AKAP1: variants seen among roughly 807,000 people sequenced by gnomAD.
The protein encoded by AKAP1 is A-kinase anchoring protein 1.
A neutral mutation model predicts 79.8 loss-of-function variants in AKAP1; 32 were observed. The ratio of observed to expected loss-of-function variants is 0.40; its 90% CI spans 0.30 to 0.54. The LOEUF (loss-of-function observed/expected upper bound fraction) is 0.54, where lower values mean the gene tolerates loss of function less well. AKAP1 is among the 20% of genes least tolerant of loss of function. The pLI is 0.47. For missense variants in AKAP1, 961 were observed against 1,138.9 expected (o/e 0.84, Z 2.25); for synonymous variants, 416 against 466.7 (o/e 0.89, Z 1.40).
chr17:57,099,881 G>A (rs1397733673), intron 1 of AKAP1, among the ~76,000 whole-genome samples: 1 of 152,190 alleles, frequency 6.6e-6, no homozygotes, highest in Non-Finnish European at 1.5e-5. Flanking sequence ...CAAAGCCAGG[G>A]CAGAGGTGCG....
chr17:57,114,720 C>T (rs1438584867), intron 6 of AKAP1, 84 bp downstream of exon 6: 2 of 1,372,306 alleles, frequency 1.5e-6, no homozygotes, highest in East Asian at 5.0e-5. Context: ...GGAGGCTGTT[C>T]TGCGATCCTT....
chr17:57,115,748 G>T (rs779218816), intron 6 of AKAP1, among the ~76,000 whole-genome samples: 27 of 152,212 alleles, frequency 1.8e-4, no homozygotes, highest in Non-Finnish European at 3.4e-4. Context: ...TCTTTTAAAT[G>T]TAAGGCTGGC....
intron 1 of AKAP1, chr17:57,085,658 T>C (rs925634877): frequency 5.3e-5 from 8 of 152,000 alleles, no homozygotes; most frequent in African/African-American, 1.9e-4. Flanking sequence ...TCCTGACAGA[T>C]CGCGTGTGCG....
rs1317347143 is a variant in AKAP1, at chr17:57,118,466, G to T, written c.2574+12G>T. The T allele has an allele frequency of 6.2e-7, 1 of 1,613,766 alleles. No individual in the cohort carries two copies. The highest frequency in any genetic ancestry group is 1.7e-5 in the Admixed American group (1 of 60,022). Reference sequence around the variant, plus strand: ...CACTGCTTGCTCAGGTGTGTGGTTGGCAGGGGTGGGGGAGGCAGGCTGGCT... The same window carrying T: ...CACTGCTTGCTCAGGTGTGTGGTTGTCAGGGGTGGGGGAGGCAGGCTGGCT... On this transcript the variant is annotated intron_variant, in intron 9 of 10. Coordinates refer to ENST00000337714, the MANE Select transcript of AKAP1 (RefSeq NM_003488.4).
intron 10 of AKAP1, among the ~76,000 whole-genome samples, chr17:57,119,480 G>A (rs928531660): frequency 5.3e-5 from 8 of 152,056 alleles, no homozygotes; most frequent in African/African-American, 1.9e-4. Context: ...TTGGGAGGCC[G>A]AGACGGGCAG....
chr17:57,103,150 T>C (rs950253515), intron 1 of AKAP1, among the ~76,000 whole-genome samples: 10 of 152,236 alleles, frequency 6.6e-5, no homozygotes, highest in African/African-American at 2.4e-4. Context: ...GAGGAATTGA[T>C]GTAAAGCCTT....
chr17:57,091,465 G>A (rs920076640), intron 1 of AKAP1, among the ~76,000 whole-genome samples: 7 of 151,520 alleles, frequency 4.6e-5, no homozygotes, highest in Non-Finnish European at 1.0e-4. Flanking sequence ...TGTGGAGGGG[G>A]TGGCTGCTTA....
intron 10 of AKAP1, among the ~76,000 whole-genome samples, 198 bp from the exon 11 acceptor site, chr17:57,120,052 C>G (rs1915835007): frequency 6.6e-6 from 1 of 151,898 alleles, no homozygotes; most frequent in African/African-American, 2.4e-5. Flanking sequence ...TCTCGAACTC[C>G]TGACCTCAGG....
rs147774257 is a variant in AKAP1, at chr17:57,105,562, T to C, written c.98T>C (p.Val33Ala). 2 of 1,614,122 alleles carry C rather than the reference T, an allele frequency of 1.2e-6. No homozygotes were observed. The highest frequency in any genetic ancestry group is 1.7e-6 in the Non-Finnish European group (2 of 1,180,010). ...WWFFSRKKGH[V>A]SSHDEQQVEA... ...TTTTTCTCTCGTAAAAAAGGCCATGTCAGCAGCCATGATGAGCAGCAGGTG... is the reference window on the plus strand; with the variant it reads ...TTTTTCTCTCGTAAAAAAGGCCATGCCAGCAGCCATGATGAGCAGCAGGTG... Residue 33 changes from valine to alanine, a missense_variant, in exon 2 of 11, where the codon GTC becomes GCC. Val to Ala is a moderately conservative substitution (Grantham distance 64). This residue lies in a region of AKAP1 where 108 missense variants were observed against 147.6 expected (regional missense o/e 0.73). Transcript: ENST00000337714.
At chr17:57,100,453 A>G (rs12940245) in intron 1 of AKAP1, among the ~76,000 whole-genome samples, 2 of 113,950 alleles carry the variant, frequency 1.8e-5, no homozygotes, top group Admixed American at 8.9e-5. Context: ...ACACGCACAC[A>G]CACACACACA....
chr17:57,107,116 A>C lies in AKAP1; in HGVS notation c.1652A>C (p.Glu551Ala). 6.2e-7 allele frequency: 1 copy of C among 1,609,790 alleles called. No homozygotes were observed. The highest frequency in any genetic ancestry group is 2.2e-5 in the East Asian group (1 of 44,842). Residue 551 changes from glutamate (E) to alanine (A), a missense_variant, in exon 2 of 11, where the codon GAG (glutamate) becomes GCG (alanine). By Grantham distance (107) the Glu-to-Ala change is moderately radical. Transcript: ENST00000337714. ...TTCAGCAATGGGGTGCTGAAGGGGG[A>C]GTTGTCAGACTTGGGGGCTGAGGAT... ...VPFSNGVLKG[E>A]LSDLGAEDGW... is the part of the protein sequence containing the mutation.
At position 57,105,903 on chromosome 17, in the gene AKAP1, T is replaced by C; in HGVS notation, c.439T>C (p.Cys147Arg). The change falls in exon 2 of 11, where the codon TGC (cysteine) becomes CGC (arginine). Residue 147 changes from cysteine to arginine, a missense_variant. By Grantham distance (180) the Cys-to-Arg change is radical. Around this residue, in one of 3 missense-constraint regions of AKAP1, gnomAD observed 224 missense variants for 210.2 expected, o/e 1.07. Transcript: ENST00000337714. The part of the protein sequence containing the change: ...GGEAKSIPLE[C>R]PLSSPKGVLF... Reference sequence around the variant, plus strand: ...TGAAGCCAAATCGATTCCTCTAGAGTGCCCCCTTTCATCCCCAAAGGGTGT... The same window carrying C: ...TGAAGCCAAATCGATTCCTCTAGAGCGCCCCCTTTCATCCCCAAAGGGTGT... 2 of 1,614,076 alleles carry C rather than the reference T, an allele frequency of 1.2e-6. No individual in the cohort carries two copies. Among genetic ancestry groups the C allele is most frequent in the South Asian group, 2.2e-5 (2 of 91,078 alleles).
chr17:57,104,609 C>A (rs566783701), intron 1 of AKAP1, among the ~76,000 whole-genome samples: 110 of 152,360 alleles, frequency 7.2e-4, no homozygotes, highest in Middle Eastern at 3.4e-3. Context: ...CCTAGCAACA[C>A]GATCCACTCT....
At chr17:57,108,004 C>T (rs893557453) in intron 2 of AKAP1, 13 of 1,287,074 alleles carry the variant, frequency 1.0e-5, no homozygotes, top group South Asian at 1.2e-5. Context: ...CTGGGTTTTT[C>T]GAGTGCTGAC....
chr17:57,092,573 G>C (rs1913847301), intron 1 of AKAP1: 1 of 152,200 alleles, frequency 6.6e-6, no homozygotes. Flanking sequence ...GGGCTTCCTG[G>C]CAAGTGTATT....
chr17:57,099,919 C>T (rs1269290967), intron 1 of AKAP1, among the ~76,000 whole-genome samples: 1 of 152,140 alleles, frequency 6.6e-6, no homozygotes, highest in African/African-American at 2.4e-5. Flanking sequence ...CTCTACCTCA[C>T]TGTAGTATAG....
At chr17:57,116,746 C>T (rs1340450896) in intron 7 of AKAP1, 114 bp from the exon 8 acceptor site, 1 of 1,028,884 alleles carries the variant, frequency 9.7e-7, no homozygotes, top group African/African-American at 1.6e-5. Flanking sequence ...AGTACGAACC[C>T]TCTGCTTTGC....
Position 57,105,872 on chromosome 17 carries a change from A to T in AKAP1, c.408A>T (p.Thr136=). The T allele has an allele frequency of 6.2e-7, 1 of 1,614,248 alleles. No homozygotes were observed. The highest frequency in any genetic ancestry group is 8.5e-7 in the Non-Finnish European group (1 of 1,180,044). ...DDSTKLELAL[T]GGEAKSIPLE... is the part of the protein sequence containing the mutation. ...GTACAAAGCTGGAGCTAGCCCTGAC[A>T]GGTGGTGAAGCCAAATCGATTCCTC... Residue 136 remains threonine, a synonymous_variant, in exon 2 of 11, where the codon ACA becomes ACT. Transcript: ENST00000337714.
At chr17:57,119,966 C>T (rs1320424430) in intron 10 of AKAP1, among the ~76,000 whole-genome samples, 3 of 151,160 alleles carry the variant, frequency 2.0e-5, no homozygotes, top group Non-Finnish European at 4.4e-5. Flanking sequence ...ACTGGGATTA[C>T]AGGTGCCTGC....
Sources: gnomAD v4.1 joint callset for allele counts (sites outside exome capture counted in the v4.1 genomes callset) on GRCh38, gnomAD v4.1.1 for gene constraint, gnomAD v4.1.1 regional missense constraint, MANE v1.5 for transcripts, NCBI Gene and HGNC (gene_info 2026-07-23, HGNC 2026-07-21) for gene names.